Variants in PTPRG observed in about 807,000 individuals in gnomAD.
PTPRG encodes receptor-type tyrosine-protein phosphatase gamma.
PTPRG carries 102 observed loss-of-function variants against 165.3 expected under a neutral mutation model. The observed-to-expected ratio is 0.62, with a 90% CI of 0.53 to 0.73. The LOEUF (loss-of-function observed/expected upper bound fraction) is 0.73. Ranked by LOEUF, PTPRG falls within the 30% of genes least tolerant of loss-of-function variation. The probability of loss-of-function intolerance (pLI) is 0.00; values close to 1 mark genes in which losing one functional copy is unlikely to be tolerated. For synonymous variants in PTPRG, 675 were observed against 669.5 expected, an observed-to-expected ratio of 1.01 and a Z score of -0.13; for missense variants, 1,866 against 1,861.4, an observed-to-expected ratio of 1.00 and a Z score of -0.05.
chr3:62,065,834 C>A (rs900604867), intron 4 of PTPRG, among the ~76,000 whole-genome samples: 3 of 152,148 alleles, frequency 2.0e-5, no homozygotes, highest in Non-Finnish European at 4.4e-5. Flanking sequence ...TGTTCTAGAC[C>A]AGTTGACCCA....
intron 5 of PTPRG, among the ~76,000 whole-genome samples, chr3:62,091,923 C>G (rs1477918293): frequency 6.6e-6 from 1 of 151,946 alleles, no homozygotes; most frequent in Non-Finnish European, 1.5e-5. Flanking sequence ...CTCTTGTGTC[C>G]CTTCTCTTGC....
chr3:61,867,977 G>T (rs1253577649), intron 2 of PTPRG, among the ~76,000 whole-genome samples: 1 of 152,166 alleles, frequency 6.6e-6, no homozygotes, highest in Non-Finnish European at 1.5e-5. Context: ...GCATGAGAAG[G>T]TGGTGGTGTT....
chr3:62,186,542 G>A (rs759828729), intron 8 of PTPRG, among the ~76,000 whole-genome samples: 10 of 142,438 alleles, frequency 7.0e-5, no homozygotes, highest in East Asian at 2.4e-4. Flanking sequence ...GAAGCAGGGT[G>A]TTGAAGCTGG....
chr3:62,284,769 T>A (rs1315612180), intron 28 of PTPRG, among the ~76,000 whole-genome samples: 1 of 152,040 alleles, frequency 6.6e-6, no homozygotes, highest in Non-Finnish European at 1.5e-5. Context: ...TATTTTTGAG[T>A]CTCCCTCACC....
intron 2 of PTPRG, among the ~76,000 whole-genome samples, chr3:61,830,177 G>A (rs1310596775): frequency 2.0e-5 from 3 of 152,158 alleles, no homozygotes; most frequent in African/African-American, 7.2e-5. Flanking sequence ...GATGTCATGT[G>A]GCATAACCCT....
intron 14 of PTPRG, among the ~76,000 whole-genome samples, chr3:62,238,790 G>A (rs905663010): frequency 6.6e-6 from 1 of 152,194 alleles, no homozygotes; most frequent in African/African-American, 2.4e-5. Flanking sequence ...GAGAGAGACT[G>A]AGAGACAGAC....
intron 2 of PTPRG, among the ~76,000 whole-genome samples, chr3:61,856,167 T>A (rs2037101061): frequency 6.6e-6 from 1 of 151,774 alleles, no homozygotes; most frequent in South Asian, 2.1e-4. Context: ...AACATAAAAT[T>A]TACCATTTTA....
chr3:61,957,414 A>G (rs2040057342), intron 2 of PTPRG, among the ~76,000 whole-genome samples: 2 of 152,204 alleles, frequency 1.3e-5, no homozygotes, highest in Non-Finnish European at 2.9e-5. Context: ...CATCTGCTCC[A>G]CTTCTTTGCC....
chr3:62,100,757 G>C (rs1478427420), intron 5 of PTPRG, among the ~76,000 whole-genome samples: 1 of 152,212 alleles, frequency 6.6e-6, no homozygotes, highest in Non-Finnish European at 1.5e-5. Flanking sequence ...TACGTAGCAG[G>C]AGGCATTTTT....
At chr3:61,657,152 G>A (rs2107009110) in intron 1 of PTPRG, among the ~76,000 whole-genome samples, 1 of 152,264 alleles carries the variant, frequency 6.6e-6, no homozygotes, top group Admixed American at 6.5e-5. Context: ...GGGTATTATT[G>A]TCTACCGGTA....
intron 26 of PTPRG, among the ~76,000 whole-genome samples, chr3:62,278,455 TG>T (rs1047317432): frequency 4.9e-4 from 75 of 152,192 alleles, no homozygotes; most frequent in African/African-American, 1.6e-3. Flanking sequence ...CAGACTTAAA[TG>T]TTTCTGCTTA....
At chr3:62,065,120 T>C in intron 4 of PTPRG, among the ~76,000 whole-genome samples, 1 of 152,154 alleles carries the variant, frequency 6.6e-6, no homozygotes, top group African/African-American at 2.4e-5. Context: ...ACGAATGGTA[T>C]AGGAAAATTG....
At chr3:61,606,725 G>A (rs1215817200) in intron 1 of PTPRG, among the ~76,000 whole-genome samples, 3 of 152,182 alleles carry the variant, frequency 2.0e-5, no homozygotes, top group African/African-American at 4.8e-5. Context: ...CCCTCAACAT[G>A]GTGGAAGGAA....
At chr3:62,166,194 G>GTTTTTTTTTTTTTTTTTTT (rs1704969071) in intron 7 of PTPRG, among the ~76,000 whole-genome samples, 1 of 19,348 alleles carries the variant, frequency 5.2e-5, no homozygotes, top group Non-Finnish European at 1.0e-4. Context: ...TCAAATTACA[G>GTTTTTTTTTTTTTTTTTTT]TTCTTTTTTT....
At chr3:61,578,695 A>C (rs1700218883) in intron 1 of PTPRG, among the ~76,000 whole-genome samples, 1 of 152,264 alleles carries the variant, frequency 6.6e-6, no homozygotes, top group African/African-American at 2.4e-5. Flanking sequence ...AGGTCTGCCC[A>C]GAAGGGCTTC....
At chr3:61,633,775 CCTTAT>C (rs1701829373) in intron 1 of PTPRG, among the ~76,000 whole-genome samples, 1 of 151,992 alleles carries the variant, frequency 6.6e-6, no homozygotes, top group Non-Finnish European at 1.5e-5. Flanking sequence ...TTATCTTGTA[CCTTAT>C]CTTAGGAGGA....
At chr3:61,996,572 T>C (rs966240465) in intron 3 of PTPRG, among the ~76,000 whole-genome samples, 1 of 152,218 alleles carries the variant, frequency 6.6e-6, no homozygotes, top group Admixed American at 6.5e-5. Flanking sequence ...ATTGTTTATA[T>C]TGGGCGTGTC....
intron 1 of PTPRG, among the ~76,000 whole-genome samples, chr3:61,603,880 A>G (rs1258904856): frequency 6.6e-6 from 1 of 152,238 alleles, no homozygotes; most frequent in Non-Finnish European, 1.5e-5. Flanking sequence ...TAAGGACACC[A>G]GTCATATTGG....
At chr3:61,770,703 A>G (rs1469486788) in intron 2 of PTPRG, 2 of 152,208 alleles carry the variant, frequency 1.3e-5, no homozygotes, top group East Asian at 3.8e-4. Flanking sequence ...AATTGCATTT[A>G]TCTGGGTTAG....
Sources: allele counts gnomAD v4.1 joint callset (sites outside exome capture counted in the v4.1 genomes callset), GRCh38; gene constraint gnomAD v4.1.1; transcripts MANE v1.5; gene names NCBI Gene and HGNC (gene_info 2026-07-23, HGNC 2026-07-21).